Variants in SH3BP2 observed in about 807,000 individuals in gnomAD.
SH3BP2 encodes the protein SH3 domain-binding protein 2.
SH3BP2 carries 38 observed loss-of-function variants against 56.2 expected under a neutral mutation model. The ratio of observed to expected loss-of-function variants is 0.68; its 90% confidence interval spans 0.52 to 0.89. SH3BP2 has a LOEUF of 0.89. SH3BP2 is among the 40% of genes least tolerant of loss of function. The pLI is 0.00. For synonymous variants in SH3BP2, 346 were observed against 316.7 expected, an observed-to-expected ratio of 1.09 and a Z score of -0.98; for missense variants, 748 against 762.6, an observed-to-expected ratio of 0.98 and a Z score of 0.23.
chr4:2,805,624 CAG>C (rs759634472), intron 1 of SH3BP2, among the ~76,000 whole-genome samples: 291 of 152,276 alleles, frequency 1.9e-3, no homozygotes, highest in Middle Eastern at 0.01. Context: ...GAACTGGTGT[CAG>C]GGGAGGGGCA....
intron 1 of SH3BP2, among the ~76,000 whole-genome samples, chr4:2,819,637 C>T (rs933750835): frequency 6.6e-6 from 1 of 152,128 alleles, no homozygotes; most frequent in Non-Finnish European, 1.5e-5. Context: ...ACAGACCAAA[C>T]AGTGCAGGGT....
intron 11 of SH3BP2, 143 bp downstream of exon 11, chr4:2,832,555 G>C (rs985329482): frequency 2.7e-6 from 2 of 737,160 alleles, no homozygotes; most frequent in African/African-American, 1.7e-5. Flanking sequence ...CTTCCCAGCA[G>C]CACCCCCCAA....
At chr4:2,827,089 ATG>A (rs1724703819) in intron 5 of SH3BP2, 139 bp from the exon 6 acceptor site, 1 of 721,936 alleles carries the variant, frequency 1.4e-6, no homozygotes, top group East Asian at 2.7e-5. Context: ...CCATGTGTGC[ATG>A]TGTTTGTCAG....
chr4:2,795,972 A>C (rs1376768132), intron 1 of SH3BP2, among the ~76,000 whole-genome samples: 2 of 152,100 alleles, frequency 1.3e-5, no homozygotes, highest in African/African-American at 4.8e-5. Context: ...GGTAGGGAGC[A>C]TTTCAGGCTC....
Position 2,831,055 on chromosome 4 carries a change from C to G in SH3BP2, c.1242-516C>G, listed in dbSNP as rs1347709948. Among the ~76,000 whole-genome samples, 1 of 152,258 alleles carries G rather than the reference C, an allele frequency of 6.6e-6. No homozygotes were observed. The highest frequency in any genetic ancestry group is 1.5e-5 in the Non-Finnish European group (1 of 68,040). On this transcript the variant is annotated intron_variant, in intron 8 of 12. Transcript: ENST00000503393. The surrounding 1 kb of genome is among the most constrained non-coding windows in gnomAD (Gnocchi z 4.1). ...ATAGCGGTTCCAGGGCTCAGCCTCA[C>G]CCACAGGCTGGCCTCCCATGCTGGC...
Position 2,831,796 on chromosome 4 carries a change from C to A in SH3BP2, c.1350+117C>A. ...CCTGAGCAAGGACCCCCCGAGAACC[C>A]GGGAGCCTAGGGGGACACAGCACCA... On this transcript the variant is annotated intron_variant, in intron 9 of 12. Transcript: ENST00000503393. The surrounding 1 kb of genome is among the most constrained non-coding windows in gnomAD (Gnocchi z 4.1). 1 of 1,367,352 alleles carries A rather than the reference C, an allele frequency of 7.3e-7. No individual in the cohort carries two copies. The highest frequency in any genetic ancestry group is 1.2e-5 in the South Asian group (1 of 81,626). The allele number at this position is 1,367,352 out of a possible 1,614,324, so 84.7% of individuals were successfully genotyped here.
intron 7 of SH3BP2, 85 bp downstream of exon 7, chr4:2,827,759 G>A: frequency 8.5e-7 from 1 of 1,178,798 alleles, no homozygotes. Flanking sequence ...CCGAGGCTGG[G>A]GATGCTGGCC....
At chr4:2,805,828 G>A (rs1723511616) in intron 1 of SH3BP2, among the ~76,000 whole-genome samples, 1 of 152,196 alleles carries the variant, frequency 6.6e-6, no homozygotes, top group African/African-American at 2.4e-5. Flanking sequence ...GGCAGAGGAG[G>A]TGGAGAGGGT....
At position 2,839,895 on chromosome 4, in the gene SH3BP2, G is replaced by C. The variant is rs886059386; in HGVS notation, c.*6061G>C. ...ATTTTTAATGCAGTTGAATTGATCAGTGTTTTCATTTTGGTTAGTGCTTTT... is the reference window on the plus strand; with the variant it reads ...ATTTTTAATGCAGTTGAATTGATCACTGTTTTCATTTTGGTTAGTGCTTTT... On this transcript the variant is annotated 3_prime_UTR_variant, in exon 13 of 13. Coordinates refer to ENST00000503393, the MANE Select transcript of SH3BP2 (RefSeq NM_001122681.2). 4 of 152,102 alleles carry C rather than the reference G, an allele frequency of 2.6e-5. No individual in the cohort carries two copies. In the East Asian group the frequency reaches 5.8e-4, roughly 22 times the overall value. The allele number at this position is 152,102 out of a possible 1,614,324, so 9.4% of individuals were successfully genotyped here. A position where few individuals can be genotyped will look rare whatever the true frequency, so the allele number is the denominator to read the frequency against.
chr4:2,831,577 A>AC lies in SH3BP2; in HGVS notation c.1254dup (p.Asp419ArgfsTer11), dbSNP rs752422406. 4.4e-6 allele frequency: 7 copies of AC among 1,582,508 alleles called. No homozygotes were observed. The highest frequency in any genetic ancestry group is 1.1e-5 in the South Asian group (1 of 87,026). On this transcript the variant is annotated frameshift_variant, in exon 9 of 13. Coordinates refer to ENST00000503393, the MANE Select transcript of SH3BP2 (RefSeq NM_001122681.2). LOFTEE classifies it high-confidence loss of function. The surrounding 1 kb of genome is among the most constrained non-coding windows in gnomAD (Gnocchi z 4.1). ...CCTCTCCCTGCCCCTCCAGGCGATC[A>AC]CCCCCCGATGGGCAGAGTTTCAGGA... is the stretch of plus-strand genomic sequence containing the variant.
intron 1 of SH3BP2, chr4:2,798,959 G>T: frequency 1.0e-6 from 1 of 984,334 alleles, no homozygotes. Context: ...CTGCTGGGGC[G>T]GGGTGTGTGG....
At chr4:2,804,697 G>C (rs1321929981) in intron 1 of SH3BP2, among the ~76,000 whole-genome samples, 1 of 152,224 alleles carries the variant, frequency 6.6e-6, no homozygotes, top group Non-Finnish European at 1.5e-5. Context: ...GCTTCCTTCT[G>C]AGAGTGGGCC....
At chr4:2,796,532 C>A in intron 1 of SH3BP2, 1 of 920,372 alleles carries the variant, frequency 1.1e-6, no homozygotes, top group Non-Finnish European at 1.3e-6. Flanking sequence ...GTCAGCTGGC[C>A]TCTGGGAAGA....
chr4:2,795,671 G>A (rs1202935334), intron 1 of SH3BP2, among the ~76,000 whole-genome samples: 1 of 152,204 alleles, frequency 6.6e-6, no homozygotes, highest in Non-Finnish European at 1.5e-5. Context: ...GTCAGGAGGA[G>A]GGATCTGAGC....
intron 1 of SH3BP2, among the ~76,000 whole-genome samples, chr4:2,800,347 C>G (rs970736501): frequency 6.6e-6 from 1 of 152,132 alleles, no homozygotes; most frequent in Admixed American, 6.5e-5. Context: ...GAGGCTGTGT[C>G]CCCAGAGTGT....
Position 2,827,303 on chromosome 4 carries a change from C to G in SH3BP2, c.502C>G (p.Pro168Ala). 1 of 1,614,136 alleles carries G rather than the reference C, an allele frequency of 6.2e-7. No homozygotes were observed. Among genetic ancestry groups the G allele is most frequent in the African/African-American group, 1.3e-5 (1 of 75,048 alleles). Residue 168 changes from proline (P) to alanine (A), a missense_variant, in exon 6 of 13, where the codon CCC becomes GCC. Physicochemically the swap from Pro to Ala is conservative, Grantham distance 27. Around this residue, in one of 3 missense-constraint regions of SH3BP2, gnomAD observed 635 missense variants for 615.0 expected, o/e 1.03. Coordinates refer to ENST00000503393, the MANE Select transcript of SH3BP2 (RefSeq NM_001122681.2). Reference protein sequence around the residue: ...RPVDISLSPYPTDNEDYEHDD... With the variant: ...RPVDISLSPYATDNEDYEHDD... ...TGTGGATATCAGCCTTTCCCCGTACCCCACGGACAATGAAGGTGAGGTCTT... is the reference window on the plus strand; with the variant it reads ...TGTGGATATCAGCCTTTCCCCGTACGCCACGGACAATGAAGGTGAGGTCTT...
At chr4:2,827,207 C>T in intron 5 of SH3BP2, 23 bp from the exon 6 acceptor site, 3 of 1,610,920 alleles carry the variant, frequency 1.9e-6, no homozygotes, top group Non-Finnish European at 2.5e-6. Context: ...TCACCGTCCG[C>T]CCCAACGCAC....
rs931347235 is a variant in SH3BP2, at chr4:2,831,447, C to A, written c.1242-124C>A. Reference sequence around the variant, plus strand: ...TCTGTTGTCCTGAGCTTTTTAGGGTCACAGGGGCCATAGCAGGCAGCTTGC... The same window carrying A: ...TCTGTTGTCCTGAGCTTTTTAGGGTAACAGGGGCCATAGCAGGCAGCTTGC... On this transcript the variant is annotated intron_variant, in intron 8 of 12. Transcript: ENST00000503393. This position sits in a 1 kb window ranked among gnomAD's most constrained non-coding sequence, Gnocchi z 4.1. 1.5e-5 allele frequency: 11 copies of A among 757,308 alleles called. No homozygotes were observed. Among genetic ancestry groups the A allele is most frequent in the South Asian group, 9.0e-5 (6 of 67,024 alleles). 46.9% of individuals were successfully genotyped at this position (757,308 alleles called of 1,614,324 possible).
At chr4:2,807,290 A>AT (rs1399380743) in intron 1 of SH3BP2, among the ~76,000 whole-genome samples, 3 of 151,820 alleles carry the variant, frequency 2.0e-5, no homozygotes, top group Admixed American at 1.3e-4. Flanking sequence ...CTAAGTCACA[A>AT]TTTTTTCACT....
Sources: gnomAD v4.1 joint callset for allele counts (sites outside exome capture counted in the v4.1 genomes callset) on GRCh38, gnomAD v4.1.1 for gene constraint, gnomAD v4.1.1 regional missense constraint, Gnocchi (gnomAD v3.1) non-coding constraint, MANE v1.5 for transcripts, NCBI Gene and HGNC (gene_info 2026-07-23, HGNC 2026-07-21) for gene names.